The following JAM2 variants were observed in gnomAD, a reference collection of about 807,000 sequenced individuals.
The protein encoded by JAM2 is junctional adhesion molecule 2.
A neutral mutation model predicts 42.0 loss-of-function variants in JAM2; 17 were observed. The observed-to-expected ratio is 0.40, with a 90% CI of 0.28 to 0.61. JAM2 has a LOEUF of 0.61. Ranked by LOEUF, JAM2 falls within the 20% of genes least tolerant of loss-of-function variation. The probability of loss-of-function intolerance (pLI) is 0.37; values close to 1 mark genes in which losing one functional copy is unlikely to be tolerated. For synonymous variants in JAM2, 118 were observed against 128.6 expected (o/e 0.92, Z 0.56); for missense variants, 319 against 358.3 (o/e 0.89, Z 0.89).
chr21:25,655,350 AT>A (rs751257378), intron 1 of JAM2, among the ~76,000 whole-genome samples: 3,545 of 100,186 alleles, frequency 0.035, 21 homozygotes, highest in Non-Finnish European at 0.044. Flanking sequence ...CTGAAATTCT[AT>A]TTTTTTTTTT....
chr21:25,649,455 T>C (rs544502048), intron 1 of JAM2, among the ~76,000 whole-genome samples: 2 of 152,240 alleles, frequency 1.3e-5, no homozygotes, highest in Admixed American at 6.5e-5. Context: ...TTCACTATCA[T>C]GAGAAAAGAA....
chr21:25,665,045 C>G (rs182660109), intron 1 of JAM2, among the ~76,000 whole-genome samples: 26 of 152,322 alleles, frequency 1.7e-4, no homozygotes, highest in African/African-American at 5.8e-4. Flanking sequence ...GAGAAAAGTT[C>G]TATGGGTTGT....
At chr21:25,666,741 G>A (rs1301479360) in intron 1 of JAM2, among the ~76,000 whole-genome samples, 1 of 151,886 alleles carries the variant, frequency 6.6e-6, no homozygotes. Context: ...TCACTGTGTT[G>A]CCCAGACTGG....
At chr21:25,693,970 G>GGCAA (rs1347184350) in intron 4 of JAM2, 62 bp downstream of exon 4, 1 of 1,539,384 alleles carries the variant, frequency 6.5e-7, no homozygotes, top group African/African-American at 1.4e-5. Context: ...CAGCCCTGGG[G>GGCAA]GCAAGCAAGC....
At chr21:25,676,408 A>T (rs1160035196) in intron 1 of JAM2, among the ~76,000 whole-genome samples, 6 of 151,952 alleles carry the variant, frequency 3.9e-5, no homozygotes, top group Non-Finnish European at 7.4e-5. Flanking sequence ...TAGTAATTTT[A>T]AAATTGTCAT....
intron 1 of JAM2, among the ~76,000 whole-genome samples, chr21:25,653,404 A>G (rs1023213618): frequency 4.6e-5 from 7 of 152,208 alleles, no homozygotes; most frequent in African/African-American, 1.7e-4. Context: ...GCCCTGGTGT[A>G]TTAGTCTGTT....
At chr21:25,664,016 AAATCTCTAC>A (rs931087484) in intron 1 of JAM2, among the ~76,000 whole-genome samples, 1 of 152,152 alleles carries the variant, frequency 6.6e-6, no homozygotes, top group Non-Finnish European at 1.5e-5. Flanking sequence ...AAATATGCTC[AAATCTCTAC>A]AACTTAATGT....
chr21:25,641,783 C>T (rs1345248938), intron 1 of JAM2, among the ~76,000 whole-genome samples: 1 of 152,088 alleles, frequency 6.6e-6, no homozygotes, highest in African/African-American at 2.4e-5. Flanking sequence ...TCCAGGATGC[C>T]ATCCAGGCTA....
chr21:25,660,176 C>A (rs531933080), intron 1 of JAM2, among the ~76,000 whole-genome samples: 1 of 152,312 alleles, frequency 6.6e-6, no homozygotes, highest in South Asian at 2.1e-4. Context: ...CCACCTCAGC[C>A]TCCCAAAGCC....
intron 1 of JAM2, among the ~76,000 whole-genome samples, chr21:25,651,518 C>T (rs1307218717): frequency 6.6e-6 from 1 of 152,162 alleles, no homozygotes; most frequent in Non-Finnish European, 1.5e-5. Context: ...TATGGAGCAG[C>T]AATATGTAGA....
chr21:25,705,503 G>C (rs2034253353), intron 6 of JAM2, among the ~76,000 whole-genome samples: 1 of 152,190 alleles, frequency 6.6e-6, no homozygotes, highest in Non-Finnish European at 1.5e-5. Context: ...CTCCTGAGTA[G>C]CTGGGATTAC....
chr21:25,673,141 T>C (rs1427766829), intron 1 of JAM2, among the ~76,000 whole-genome samples: 2 of 152,196 alleles, frequency 1.3e-5, no homozygotes, highest in African/African-American at 2.4e-5. Context: ...TGGTGAGACA[T>C]TCAGCCACTG....
chr21:25,677,251 T>G (rs898458007), intron 1 of JAM2, among the ~76,000 whole-genome samples: 1 of 152,148 alleles, frequency 6.6e-6, no homozygotes, highest in African/African-American at 2.4e-5. Context: ...CTACCGATAA[T>G]TAATTTATTA....
At chr21:25,687,708 C>T (rs80268702) in intron 2 of JAM2, among the ~76,000 whole-genome samples, 1,577 of 152,266 alleles carry the variant, frequency 0.01, 25 homozygotes, top group Non-Finnish European at 0.014. Flanking sequence ...TACCCAAGGG[C>T]CTAGGCACTG....
At chr21:25,698,656 C>T in intron 4 of JAM2, 21 bp from the exon 5 acceptor site, 1 of 1,594,146 alleles carries the variant, frequency 6.3e-7, no homozygotes. Context: ...TAATCAATAT[C>T]ATTTGACTTC....
intron 1 of JAM2, among the ~76,000 whole-genome samples, chr21:25,657,777 G>A (rs967196172): frequency 6.6e-6 from 1 of 152,062 alleles, no homozygotes; most frequent in Non-Finnish European, 1.5e-5. Context: ...TTTTAAATGG[G>A]AAAATGTACC....
At chr21:25,712,967 C>G (rs1381356057) in intron 9 of JAM2, among the ~76,000 whole-genome samples, 1 of 152,208 alleles carries the variant, frequency 6.6e-6, no homozygotes, top group Non-Finnish European at 1.5e-5. Flanking sequence ...ACAATCAAGG[C>G]ACCAGTAGAC....
chr21:25,714,421 C>G, intron 9 of JAM2: 1 of 458,174 alleles, frequency 2.2e-6, no homozygotes, highest in South Asian at 2.3e-5. Flanking sequence ...TCACTTGAAC[C>G]CGGGAGGCGG....
rs945478392 is a variant in JAM2 at position 25,715,729 on chromosome 21, G to A, written c.*1057G>A. 3 of 152,294 alleles carry A rather than the reference G, an allele frequency of 2.0e-5. No homozygotes were observed. In the East Asian group the frequency reaches 5.8e-4, roughly 29 times the overall value. The allele number at this position is 152,294 out of a possible 1,614,324, so 9.4% of individuals were successfully genotyped here. ...ATGAGCAATGGCTCAAACGAAAAGT[G>A]GATCTAATGTGGGTTTCTCAACCGA... On this transcript the variant is annotated 3_prime_UTR_variant, in exon 10 of 10. Transcript: ENST00000480456.
Sources: allele counts gnomAD v4.1 joint callset (sites outside exome capture counted in the v4.1 genomes callset), GRCh38; gene constraint gnomAD v4.1.1; transcripts MANE v1.5; gene names NCBI Gene and HGNC (gene_info 2026-07-23, HGNC 2026-07-21).